Variants in PLCH2 observed in about 807,000 individuals in gnomAD.
PLCH2 encodes phospholipase C eta 2.
A neutral mutation model predicts 134.7 loss-of-function variants in PLCH2; 98 were observed. That is an observed-to-expected ratio of 0.73 (90% CI 0.62 to 0.86). The LOEUF (loss-of-function observed/expected upper bound fraction) is 0.86. PLCH2 is among the 40% of genes least tolerant of loss of function. The pLI, the probability that PLCH2 is intolerant of heterozygous loss-of-function variation, is 0.00. For synonymous variants in PLCH2, 974 were observed against 827.5 expected (o/e 1.18, Z -3.04); for missense variants, 1,994 against 1,986.6 (o/e 1.00, Z -0.07).
At chr1:2,446,779 G>T (rs1481197218) in intron 2 of PLCH2, among the ~76,000 whole-genome samples, 2 of 152,144 alleles carry the variant, frequency 1.3e-5, no homozygotes, top group Admixed American at 1.3e-4. Flanking sequence ...AGGGGTCGGG[G>T]CCTGCAGAGG....
chr1:2,465,869 G>A (rs907486309), upstream of PLCH2, among the ~76,000 whole-genome samples: 3 of 152,156 alleles, frequency 2.0e-5, no homozygotes, highest in Admixed American at 6.5e-5. Flanking sequence ...CCAAGGAGGC[G>A]TGGCTGGGTC....
chr1:2,458,892 G>A (rs10910077), intron 2 of PLCH2, among the ~76,000 whole-genome samples: 45,019 of 152,216 alleles, frequency 0.3, 7,283 homozygotes, highest in East Asian at 0.45. Flanking sequence ...ATGTCCCCGT[G>A]CGCTGTGATG....
chr1:2,491,371 AG>A (rs1259997230), intron 11 of PLCH2, 36 bp downstream of exon 11: 1 of 1,597,074 alleles, frequency 6.3e-7, no homozygotes, highest in Non-Finnish European at 8.5e-7. Context: ...TGATGCCGAC[AG>A]GCCCCCCCGA....
At chr1:2,487,111 G>A (rs1642327205) in intron 6 of PLCH2, 62 bp from the exon 7 acceptor site, 1 of 1,508,360 alleles carries the variant, frequency 6.6e-7, no homozygotes, top group Non-Finnish European at 9.0e-7. Flanking sequence ...CATGGGGGCA[G>A]GTGGTCATGA....
chr1:2,427,115 T>G (rs949752241), intron 1 of PLCH2, among the ~76,000 whole-genome samples: 1 of 152,172 alleles, frequency 6.6e-6, no homozygotes, highest in Non-Finnish European at 1.5e-5. Context: ...ACGTTCAGCC[T>G]GGAGACGGAA....
intron 2 of PLCH2, among the ~76,000 whole-genome samples, chr1:2,440,171 GGT>G (rs1639622015): frequency 6.6e-6 from 1 of 152,196 alleles, no homozygotes; most frequent in South Asian, 2.1e-4. Flanking sequence ...TGCAGGGGTG[GGT>G]GTATTGGAGT....
chr1:2,419,480 G>A, the PLCH2 span, among the ~76,000 whole-genome samples: 610 of 152,270 alleles, frequency 4.0e-3, 2 homozygotes, highest in African/African-American at 0.014. Flanking sequence ...CTCGGCCGTT[G>A]GTCGGGGGGG....
At chr1:2,452,792 G>A (rs1412757235) in intron 2 of PLCH2, among the ~76,000 whole-genome samples, 1 of 152,234 alleles carries the variant, frequency 6.6e-6, no homozygotes, top group East Asian at 1.9e-4. Context: ...GCCAGTCGCT[G>A]TCCTCAGCTG....
chr1:2,448,040 G>A lies in PLCH2; in HGVS notation c.115+17411G>A, dbSNP rs897351917. The stretch of plus-strand genomic sequence containing the variant: ...GGTGGAGGGCATGGTGCCCCTGGCT[G>A]CTGTGGTCCTTTTTCCCTGGTCGTG... On this transcript the variant is annotated intron_variant, in intron 2 of 3. Coordinates refer to the PLCH2 transcript ENST00000609981. This position sits in a 1 kb window ranked among gnomAD's most constrained non-coding sequence, Gnocchi z 4.0. 6.6e-6 allele frequency among the ~76,000 whole-genome samples: 1 copy of A among 152,206 alleles called. No homozygotes were observed. The highest frequency in any genetic ancestry group is 2.1e-4 in the South Asian group (1 of 4,838).
At chr1:2,436,494 C>T (rs1372620226) in intron 2 of PLCH2, among the ~76,000 whole-genome samples, 2 of 37,038 alleles carry the variant, frequency 5.4e-5, no homozygotes, top group Non-Finnish European at 8.6e-5. Context: ...CCCCTCCTCC[C>T]TCCTCCTCCT....
rs1249969744 is a variant in PLCH2, at chr1:2,498,719, T to C, written c.2350-25T>C. ...GGCCGGGCATCGCGATGGGCCCTGA[T>C]GCCACCCCCACTCCTGTGTCCCAGA... On this transcript the variant is annotated intron_variant, in intron 17 of 21. Transcript: ENST00000378486. The surrounding 1 kb of genome is among the most constrained non-coding windows in gnomAD (Gnocchi z 5.4). The C allele has an allele frequency of 6.3e-7, 1 of 1,591,756 alleles. No individual in the cohort carries two copies. Among genetic ancestry groups the C allele is most frequent in the South Asian group, 1.1e-5 (1 of 88,224 alleles).
chr1:2,449,499 A>AAACC (rs34463698), intron 2 of PLCH2, among the ~76,000 whole-genome samples: 1,518 of 150,364 alleles, frequency 0.01, 12 homozygotes, highest in East Asian at 0.015. Context: ...TGTCTCAACA[A>AAACC]AACCAACCAA....
chr1:2,497,197 T>C (rs1012098403), intron 15 of PLCH2, among the ~76,000 whole-genome samples, 187 bp downstream of exon 15: 3 of 152,230 alleles, frequency 2.0e-5, no homozygotes, highest in Non-Finnish European at 2.9e-5. Context: ...AGGCTAGCAC[T>C]GGGGCAGGGT....
At chr1:2,487,457 G>A (rs1642349106) in intron 7 of PLCH2, 81 bp downstream of exon 7, 2 of 1,483,584 alleles carry the variant, frequency 1.3e-6, no homozygotes, top group South Asian at 1.2e-5. Context: ...CCCCCGGGGG[G>A]ATCTCTGGGC....
Position 2,491,286 on chromosome 1 carries a change from A to G in PLCH2, c.1610A>G (p.Asn537Ser). Residue 537 changes from asparagine (N) to serine (S), a missense_variant, in exon 11 of 22, where the codon AAC becomes AGC. Physicochemically the swap from Asn to Ser is conservative, Grantham distance 46 (BLOSUM62 1). Around this residue, in one of 2 missense-constraint regions of PLCH2, gnomAD observed 1,094 missense variants for 1,234.3 expected, o/e 0.89. Transcript: ENST00000378486. The part of the protein sequence containing the change: ...ESKIRDCEDP[N>S]NFSVSTLSPS... ...AAGATTCGGGACTGTGAGGACCCCA[A>G]CAACTTCTCCGTCTCCACACTGTCC... 2.5e-6 allele frequency: 4 copies of G among 1,613,364 alleles called. No individual in the cohort carries two copies. The highest frequency in any genetic ancestry group is 3.4e-6 in the Non-Finnish European group (4 of 1,179,856).
At chr1:2,468,289 C>T (rs539119271) in intron 1 of PLCH2, among the ~76,000 whole-genome samples, 6 of 152,254 alleles carry the variant, frequency 3.9e-5, no homozygotes, top group Non-Finnish European at 7.3e-5. Context: ...TCTGGTCTGG[C>T]CCATCCCGCT....
upstream of PLCH2, among the ~76,000 whole-genome samples, chr1:2,464,864 T>C (rs1185836843): frequency 6.6e-6 from 1 of 152,218 alleles, no homozygotes; most frequent in African/African-American, 2.4e-5. Context: ...TCAGGTGGCC[T>C]CGGGCTCACG....
intron 2 of PLCH2, among the ~76,000 whole-genome samples, chr1:2,453,810 C>A (rs553466705): frequency 6.6e-6 from 1 of 152,224 alleles, no homozygotes; most frequent in Non-Finnish European, 1.5e-5. Context: ...TGCCTGTCCC[C>A]GTCTCCCGGT....
intron 2 of PLCH2, among the ~76,000 whole-genome samples, chr1:2,436,105 TCCTCCTCC>T (rs1406130542): frequency 1.5e-5 from 1 of 68,350 alleles, no homozygotes; most frequent in Non-Finnish European, 2.8e-5. Flanking sequence ...CTCTCTTCCT[TCCTCCTCC>T]CCTCCTCCCT....
Sources: gnomAD v4.1 joint callset for allele counts (sites outside exome capture counted in the v4.1 genomes callset) on GRCh38, gnomAD v4.1.1 for gene constraint, gnomAD v4.1.1 regional missense constraint, Gnocchi (gnomAD v3.1) non-coding constraint, MANE v1.5 for transcripts, NCBI Gene and HGNC (gene_info 2026-07-23, HGNC 2026-07-21) for gene names.